The following ADARB1 variants were observed in gnomAD, a reference collection of about 807,000 sequenced individuals.
ADARB1 encodes the protein adenosine deaminase RNA specific B1.
In ADARB1, 10 loss-of-function variants were observed where a neutral mutation model predicts 52.4. The ratio of observed to expected loss-of-function variants is 0.19; its 90% CI spans 0.12 to 0.32. The LOEUF (loss-of-function observed/expected upper bound fraction) is 0.32, where lower values mean the gene tolerates loss of function less well. Among genes scored for constraint, ADARB1 ranks in the 10% least tolerant of loss-of-function variants. The probability of loss-of-function intolerance (pLI) is 1.00; values close to 1 mark genes in which losing one functional copy is unlikely to be tolerated. For missense variants in ADARB1, 643 were observed against 922.3 expected (o/e 0.70, Z 3.92); for synonymous variants, 349 against 371.1 (o/e 0.94, Z 0.68).
chr21:45,094,637 C>T (rs899719255), intron 1 of ADARB1, among the ~76,000 whole-genome samples: 8 of 152,030 alleles, frequency 5.3e-5, no homozygotes, highest in Non-Finnish European at 1.2e-4. Context: ...CTGCTGAGGC[C>T]CCAGACTGCT....
chr21:45,181,408 C>T (rs2091928255), intron 5 of ADARB1: 1 of 152,382 alleles, frequency 6.6e-6, no homozygotes, highest in Non-Finnish European at 1.5e-5. Context: ...AGCTTCTATT[C>T]TAATGTTTTG....
chr21:45,211,491 A>G (rs1253110392), intron 9 of ADARB1, among the ~76,000 whole-genome samples: 3 of 152,242 alleles, frequency 2.0e-5, no homozygotes, highest in Admixed American at 6.5e-5. Context: ...GATAGTTTCT[A>G]TAACATGAAC....
intron 9 of ADARB1, among the ~76,000 whole-genome samples, chr21:45,212,184 C>T (rs2092781807): frequency 1.3e-5 from 2 of 152,126 alleles, no homozygotes; most frequent in Admixed American, 1.3e-4. Context: ...TAAGCGTTAT[C>T]CATTTGTTTA....
intron 1 of ADARB1, among the ~76,000 whole-genome samples, 192 bp downstream of exon 1, chr21:45,074,985 C>T (rs1483098119): frequency 6.6e-6 from 1 of 151,148 alleles, no homozygotes; most frequent in African/African-American, 2.4e-5. Context: ...CTGGGTCGCC[C>T]GTCTGCTCCG....
At chr21:45,201,670 T>G (rs1000953255) in intron 8 of ADARB1, among the ~76,000 whole-genome samples, 3 of 152,212 alleles carry the variant, frequency 2.0e-5, no homozygotes, top group Non-Finnish European at 1.5e-5. Context: ...ATATTGTAAG[T>G]GCTGGGATAG....
intron 1 of ADARB1, among the ~76,000 whole-genome samples, chr21:45,109,546 C>G (rs2087439293): frequency 6.6e-6 from 1 of 152,234 alleles, no homozygotes; most frequent in Non-Finnish European, 1.5e-5. Flanking sequence ...TCACCACTTC[C>G]TGATGTCAGC....
At chr21:45,218,441 C>T (rs2092907024) in intron 9 of ADARB1, among the ~76,000 whole-genome samples, 1 of 152,228 alleles carries the variant, frequency 6.6e-6, no homozygotes, top group South Asian at 2.1e-4. Flanking sequence ...ATGTCAGGCA[C>T]TTTTCCATTC....
chr21:45,085,035 A>T (rs2086286593), intron 1 of ADARB1, among the ~76,000 whole-genome samples: 1 of 152,142 alleles, frequency 6.6e-6, no homozygotes, highest in Non-Finnish European at 1.5e-5. Flanking sequence ...TTACCCTGGG[A>T]TCATGTGCAG....
chr21:45,216,203 G>T (rs1159229388), intron 9 of ADARB1, among the ~76,000 whole-genome samples: 1 of 151,668 alleles, frequency 6.6e-6, no homozygotes, highest in Admixed American at 6.6e-5. Flanking sequence ...TCTCTTGGTT[G>T]TTTTTTTCTG....
Position 45,223,507 on chromosome 21 carries a change from A to G in ADARB1, c.*1310A>G. On this transcript the variant is annotated 3_prime_UTR_variant, in exon 11 of 11. Coordinates refer to ENST00000348831, the MANE Select transcript of ADARB1 (RefSeq NM_001112.4). The stretch of plus-strand genomic sequence containing the variant: ...TGCCTTGTTGCCTCCGCTCAGGATG[A>G]AAGAGGAGCTGAGAGAAGTGCTCTG... 1 of 985,626 alleles carries G rather than the reference A, an allele frequency of 1.0e-6. No homozygotes were observed. Among genetic ancestry groups the G allele is most frequent in the Non-Finnish European group, 1.2e-6 (1 of 830,072 alleles). 61.1% of individuals were successfully genotyped at this position (985,626 alleles called of 1,614,324 possible). A position where few individuals can be genotyped will look rare whatever the true frequency, so the allele number is the denominator to read the frequency against.
rs1471038481 is a variant in ADARB1, at chr21:45,223,027, C to G, written c.*830C>G. ...TACATGGCCAGTAATCCCAGGCTGG[C>G]CATTCATTCAGGTTTTTTAAAGGAT... On this transcript the variant is annotated 3_prime_UTR_variant, in exon 11 of 11. Coordinates refer to ENST00000348831, the MANE Select transcript of ADARB1 (RefSeq NM_001112.4). 2 of 985,310 alleles carry G rather than the reference C, an allele frequency of 2.0e-6. No homozygotes were observed. Among genetic ancestry groups the G allele is most frequent in the East Asian group, 2.3e-4 (2 of 8,828 alleles). The allele number at this position is 985,310 out of a possible 1,614,324, so 61.0% of individuals were successfully genotyped here.
rs377312708 is a variant in ADARB1, at chr21:45,204,510, A to C, written c.1566-45A>C. ...CAGGCTTGGGCTGGGCTGCGTCGACACTGAGTCCGAGCTCCCTGAAGACTG... is the reference window on the plus strand; with the variant it reads ...CAGGCTTGGGCTGGGCTGCGTCGACCCTGAGTCCGAGCTCCCTGAAGACTG... On this transcript the variant is annotated intron_variant, in intron 8 of 10. Coordinates refer to ENST00000348831, the MANE Select transcript of ADARB1 (RefSeq NM_001112.4). The surrounding 1 kb of genome is among the most constrained non-coding windows in gnomAD (Gnocchi z 4.4). 37 of 1,592,504 alleles carry C rather than the reference A, an allele frequency of 2.3e-5. No homozygotes were observed. Among genetic ancestry groups the C allele is most frequent in the Non-Finnish European group, 2.8e-5 (33 of 1,167,906 alleles).
At chr21:45,185,457 C>G (rs1330805257) in intron 8 of ADARB1, among the ~76,000 whole-genome samples, 2 of 152,220 alleles carry the variant, frequency 1.3e-5, no homozygotes, top group Admixed American at 1.3e-4. Flanking sequence ...TCAGTGGTCA[C>G]TTTCATCATT....
chr21:45,149,986 A>G (rs956465870), intron 2 of ADARB1, among the ~76,000 whole-genome samples: 1 of 152,260 alleles, frequency 6.6e-6, no homozygotes, highest in African/African-American at 2.4e-5. Context: ...GGATTAAAAA[A>G]TAAAACATGT....
intron 8 of ADARB1, among the ~76,000 whole-genome samples, chr21:45,190,193 G>C (rs1569144106): frequency 6.6e-6 from 1 of 151,934 alleles, no homozygotes; most frequent in African/African-American, 2.4e-5. Context: ...ACAGTGACCT[G>C]TCTTCTTTTT....
intron 2 of ADARB1, chr21:45,152,565 C>T: frequency 3.0e-6 from 1 of 338,642 alleles, no homozygotes; most frequent in Non-Finnish European, 6.2e-6. Context: ...GACTGAGGGA[C>T]AGAATGAGGC....
chr21:45,085,462 G>A (rs986713710), intron 1 of ADARB1, among the ~76,000 whole-genome samples: 6 of 147,114 alleles, frequency 4.1e-5, no homozygotes, highest in East Asian at 1.9e-4. Context: ...AAACTTCAGC[G>A]CCGTGGCTGC....
intron 1 of ADARB1, among the ~76,000 whole-genome samples, chr21:45,123,941 A>T (rs1439932074): frequency 1.3e-5 from 2 of 152,072 alleles, no homozygotes; most frequent in Non-Finnish European, 2.9e-5. Context: ...TTTCTTTTTA[A>T]TTTTACCATG....
chr21:45,165,907 C>G (rs1030111568), intron 2 of ADARB1, among the ~76,000 whole-genome samples: 1 of 151,556 alleles, frequency 6.6e-6, no homozygotes, highest in Admixed American at 6.6e-5. Context: ...AAAGTTTTCT[C>G]AAAGCTATCC....
Sources: gnomAD v4.1 joint callset for allele counts (sites outside exome capture counted in the v4.1 genomes callset) on GRCh38, gnomAD v4.1.1 for gene constraint, Gnocchi (gnomAD v3.1) non-coding constraint, MANE v1.5 for transcripts, NCBI Gene and HGNC (gene_info 2026-07-23, HGNC 2026-07-21) for gene names.